BMPR1A: variants seen among roughly 807,000 people sequenced by gnomAD.
BMPR1A encodes the protein bone morphogenetic protein receptor type 1A.
In BMPR1A, 7 loss-of-function variants were observed where a neutral mutation model predicts 66.0. The observed-to-expected ratio is 0.11, with a 90% confidence interval of 0.06 to 0.20. The LOEUF is 0.20. Ranked by LOEUF, BMPR1A falls within the 10% of genes least tolerant of loss-of-function variation. The probability of loss-of-function intolerance (pLI) is 1.00; values close to 1 mark genes in which losing one functional copy is unlikely to be tolerated. For missense variants in BMPR1A, 408 were observed against 669.1 expected (o/e 0.61, Z 4.31); for synonymous variants, 200 against 229.7 (o/e 0.87, Z 1.17).
intron 1 of BMPR1A, among the ~76,000 whole-genome samples, chr10:86,809,780 G>A (rs1841944292): frequency 6.6e-6 from 1 of 151,660 alleles, no homozygotes; most frequent in African/African-American, 2.4e-5. Flanking sequence ...CAATAACTCT[G>A]TAGTATTCCT....
At chr10:86,831,054 T>TAAAA (rs1243573346) in intron 1 of BMPR1A, among the ~76,000 whole-genome samples, 1 of 152,240 alleles carries the variant, frequency 6.6e-6, no homozygotes, top group East Asian at 1.9e-4. Flanking sequence ...CAGTTCTTTT[T>TAAAA]ATGGCTTCGT....
chr10:86,789,396 A>G (rs1298185587), intron 1 of BMPR1A, among the ~76,000 whole-genome samples: 1 of 152,204 alleles, frequency 6.6e-6, no homozygotes, highest in Non-Finnish European at 1.5e-5. Context: ...TTTGATAAGC[A>G]GCTTGTGTCT....
chr10:86,862,991 T>TCC (rs35958923), intron 2 of BMPR1A, among the ~76,000 whole-genome samples: 186 of 149,580 alleles, frequency 1.2e-3, no homozygotes, highest in African/African-American at 4.3e-3. Context: ...TTTTTTTTTT[T>TCC]CCCCCTCTGA....
chr10:86,777,806 G>C (rs1195942811), intron 1 of BMPR1A, among the ~76,000 whole-genome samples: 1 of 151,974 alleles, frequency 6.6e-6, no homozygotes, highest in Non-Finnish European at 1.5e-5. Flanking sequence ...CTGAGGTTGG[G>C]AGTTTGAGAC....
At chr10:86,761,244 C>G (rs1841051714) in intron 1 of BMPR1A, among the ~76,000 whole-genome samples, 1 of 152,150 alleles carries the variant, frequency 6.6e-6, no homozygotes, top group Non-Finnish European at 1.5e-5. Context: ...AGTAAATTAT[C>G]TTTGAGTATC....
intron 9 of BMPR1A, among the ~76,000 whole-genome samples, chr10:86,917,685 T>C (rs1447646352): frequency 6.6e-6 from 1 of 152,240 alleles, no homozygotes; most frequent in Non-Finnish European, 1.5e-5. Context: ...ACATGCAGTT[T>C]CATTGTACGT....
intron 2 of BMPR1A, among the ~76,000 whole-genome samples, chr10:86,872,639 A>ATATTTAAATT: frequency 6.6e-6 from 1 of 152,176 alleles, no homozygotes; most frequent in East Asian, 1.9e-4. Flanking sequence ...AAGTTTAAAA[A>ATATTTAAATT]TATTTAAATT....
downstream of BMPR1A, chr10:86,929,187 G>C (rs1182198806): frequency 6.6e-6 from 1 of 152,016 alleles, no homozygotes; most frequent in Non-Finnish European, 1.5e-5. Context: ...CTGAAAATGA[G>C]ACTAGTGGAT....
At chr10:86,769,626 C>T (rs1249092143) in intron 1 of BMPR1A, among the ~76,000 whole-genome samples, 1 of 152,112 alleles carries the variant, frequency 6.6e-6, no homozygotes, top group African/African-American at 2.4e-5. Context: ...AGGAATTGTG[C>T]CAGAATTGTC....
chr10:86,834,060 T>G (rs1351695072), intron 1 of BMPR1A, among the ~76,000 whole-genome samples: 2 of 152,206 alleles, frequency 1.3e-5, no homozygotes, highest in African/African-American at 4.8e-5. Context: ...AGCATGTGTT[T>G]TTACCTGGGT....
At chr10:86,898,521 TGAG>T (rs1449032157) in intron 5 of BMPR1A, among the ~76,000 whole-genome samples, 1 of 152,176 alleles carries the variant, frequency 6.6e-6, no homozygotes, top group Non-Finnish European at 1.5e-5. Context: ...TAGTAGTGTT[TGAG>T]CTACCTTCGT....
At chr10:86,757,973 AAAC>A (rs776563697) in intron 1 of BMPR1A, among the ~76,000 whole-genome samples, 1 of 152,264 alleles carries the variant, frequency 6.6e-6, no homozygotes, top group Non-Finnish European at 1.5e-5. Context: ...CTGGAGTTGA[AAAC>A]AACTACTTTA....
intron 1 of BMPR1A, among the ~76,000 whole-genome samples, chr10:86,762,830 A>G (rs929720510): frequency 6.6e-6 from 1 of 152,218 alleles, no homozygotes; most frequent in Non-Finnish European, 1.5e-5. Flanking sequence ...TTCCTGAGAA[A>G]GGTAGCCCGC....
intron 1 of BMPR1A, among the ~76,000 whole-genome samples, chr10:86,823,202 C>A (rs1405973412): frequency 6.6e-6 from 1 of 152,170 alleles, no homozygotes; most frequent in Non-Finnish European, 1.5e-5. Context: ...ATCCAGCAAG[C>A]TTTTAATACA....
intron 2 of BMPR1A, among the ~76,000 whole-genome samples, chr10:86,873,705 C>A (rs2133306622): frequency 6.6e-6 from 1 of 152,286 alleles, no homozygotes; most frequent in East Asian, 1.9e-4. Flanking sequence ...CTGGAAACTT[C>A]TCTTGAATTG....
intron 1 of BMPR1A, among the ~76,000 whole-genome samples, chr10:86,820,010 C>T (rs921614085): frequency 3.3e-5 from 5 of 152,174 alleles, no homozygotes; most frequent in African/African-American, 9.7e-5. Context: ...GCTTCTCACC[C>T]TGTACCTAAT....
At chr10:86,849,660 T>G (rs1236497593) in intron 2 of BMPR1A, among the ~76,000 whole-genome samples, 1 of 152,250 alleles carries the variant, frequency 6.6e-6, no homozygotes, top group Non-Finnish European at 1.5e-5. Context: ...GTATTTTGAC[T>G]ACTGAGTAGC....
chr10:86,912,521 C>T lies in BMPR1A; in HGVS notation c.675+137C>T, dbSNP rs958658478. Reference sequence around the variant, plus strand: ...TTCTCCTTATTTAGAAAGAGGTATGCAGTATTGCAAGGTGAAATTAGTTAA... The same window carrying T: ...TTCTCCTTATTTAGAAAGAGGTATGTAGTATTGCAAGGTGAAATTAGTTAA... On this transcript the variant is annotated intron_variant, in intron 8 of 12. Transcript: ENST00000372037. 6.1e-5 allele frequency: 66 copies of T among 1,088,178 alleles called. No individual in the cohort carries two copies. The African/African-American group carries it at 7.7e-4, about 13-fold the overall frequency. 67.4% of individuals were successfully genotyped at this position (1,088,178 alleles called of 1,614,324 possible).
intron 2 of BMPR1A, among the ~76,000 whole-genome samples, chr10:86,871,252 T>C (rs1842851699): frequency 6.6e-6 from 1 of 152,332 alleles, no homozygotes; most frequent in Admixed American, 6.5e-5. Flanking sequence ...CTGGCACTTT[T>C]CTTCCTTTGC....
Sources: gnomAD v4.1 joint callset for allele counts (sites outside exome capture counted in the v4.1 genomes callset) on GRCh38, gnomAD v4.1.1 for gene constraint, MANE v1.5 for transcripts, NCBI Gene and HGNC (gene_info 2026-07-23, HGNC 2026-07-21) for gene names.